ZAN: variants seen among roughly 807,000 people sequenced by gnomAD.
The protein encoded by ZAN is zonadhesin.
Under a neutral mutation model 286.2 loss-of-function variants are expected in ZAN, and 260 were observed. The ratio of observed to expected loss-of-function variants is 0.91; its 90% confidence interval spans 0.82 to 1.01. The LOEUF is 1.01. Among genes scored for constraint, ZAN ranks in the 50% least tolerant of loss-of-function variants. ZAN has a pLI of 0.00. For synonymous variants in ZAN, 1,368 were observed against 1,417.5 expected (o/e 0.97, Z 0.79); for missense variants, 3,410 against 3,639.2 (o/e 0.94, Z 1.62).
chr7:100,773,470 G>A lies in ZAN; in HGVS notation c.5611G>A (p.Asp1871Asn), dbSNP rs1015288684. The stretch of plus-strand genomic sequence containing the variant: ...GCCCCTTGGCCAGTGTGGCTGCACT[G>A]ACCCAGCGGGCTCCTACCACCCGGT... ...CVPLGQCGCT[D>N]PAGSYHPVGE... The change falls in exon 30 of 48, where the codon GAC (aspartate) becomes AAC (asparagine). Residue 1871 changes from aspartate (D) to asparagine (N), a missense_variant. By Grantham distance (23) the Asp-to-Asn change is conservative. This residue lies in a region of ZAN where 1,289 missense variants were observed against 1,314.3 expected (regional missense o/e 0.98). Coordinates refer to ENST00000613979, the MANE Select transcript of ZAN (RefSeq NM_003386.3). 6.2e-7 allele frequency: 1 copy of A among 1,613,750 alleles called. No homozygotes were observed. The highest frequency in any genetic ancestry group is 8.5e-7 in the Non-Finnish European group (1 of 1,179,864).
intron 35 of ZAN, among the ~76,000 whole-genome samples, chr7:100,781,638 T>C (rs1159312065): frequency 6.6e-6 from 1 of 151,390 alleles, no homozygotes; most frequent in Non-Finnish European, 1.5e-5. Flanking sequence ...GAGTTTTTAT[T>C]TGACATTGCT....
chr7:100,793,047 A>G (rs1812107148), intron 42 of ZAN, among the ~76,000 whole-genome samples: 1 of 151,256 alleles, frequency 6.6e-6, no homozygotes, highest in Non-Finnish European at 1.5e-5. Context: ...AAAAAAGAAA[A>G]GACTAGACAG....
intron 27 of ZAN, 113 bp downstream of exon 27, chr7:100,768,834 C>T: frequency 6.0e-6 from 5 of 829,688 alleles, no homozygotes; most frequent in Non-Finnish European, 9.1e-6. Flanking sequence ...CTGTACCTCC[C>T]AACTGGCAGG....
intron 28 of ZAN, among the ~76,000 whole-genome samples, chr7:100,770,679 A>G (rs1810313449): frequency 6.6e-6 from 1 of 150,932 alleles, no homozygotes; most frequent in Admixed American, 6.6e-5. Flanking sequence ...TTTAGAGACA[A>G]GGTCTCACTC....
At chr7:100,768,536 A>G in intron 26 of ZAN, 74 bp from the exon 27 acceptor site, 2 of 1,248,626 alleles carry the variant, frequency 1.6e-6, no homozygotes, top group Non-Finnish European at 2.2e-6. Flanking sequence ...TGAGGGTGCC[A>G]GGAGGATGGT....
chr7:100,759,249 T>A (rs1336742940), intron 17 of ZAN, among the ~76,000 whole-genome samples: 112 of 137,466 alleles, frequency 8.1e-4, no homozygotes, highest in African/African-American at 2.6e-3. Context: ...AAAAAAAAAA[T>A]TAAAAAATCA....
At chr7:100,781,795 A>G (rs1811213102) in intron 35 of ZAN, among the ~76,000 whole-genome samples, 1 of 151,332 alleles carries the variant, frequency 6.6e-6, no homozygotes, top group Non-Finnish European at 1.5e-5. Flanking sequence ...ATGTGCCACC[A>G]CACCCAGCTA....
intron 9 of ZAN, 40 bp downstream of exon 9, chr7:100,747,681 G>GCACAC: frequency 6.4e-7 from 1 of 1,566,674 alleles, no homozygotes; most frequent in Non-Finnish European, 8.8e-7. Flanking sequence ...CACATGGTAG[G>GCACAC]CACACCCAAT....
chr7:100,767,407 CCCT>C (rs1458400559), intron 25 of ZAN, 150 bp downstream of exon 25: 1 of 1,147,922 alleles, frequency 8.7e-7, no homozygotes, highest in African/African-American at 1.6e-5. Context: ...TCTCTGGACT[CCCT>C]CCTCCCTCTG....
At chr7:100,794,616 T>C (rs1812228799) in intron 44 of ZAN, among the ~76,000 whole-genome samples, 1 of 151,878 alleles carries the variant, frequency 6.6e-6, no homozygotes, top group African/African-American at 2.4e-5. Context: ...GCGAATTGCT[T>C]TGAGCTCAGG....
In ZAN at chr7:100,767,036, GACCCCCACT is replaced by G; in HGVS notation, c.4643_4651del (p.Pro1548_Tyr1550del). The G allele has an allele frequency of 1.2e-6, 2 of 1,613,866 alleles. No individual in the cohort carries two copies. Among genetic ancestry groups the G allele is most frequent in the Non-Finnish European group, 1.7e-6 (2 of 1,179,852 alleles). On this transcript the variant is annotated inframe_deletion, in exon 25 of 48. Coordinates refer to ENST00000613979, the MANE Select transcript of ZAN (RefSeq NM_003386.3). ...TGCCGCCACCTGCACAGCCTCGGGTGACCCCCACTACCTGACCTTCGATGGCGCCTTGCA... is the reference window on the plus strand; with the variant it reads ...TGCCGCCACCTGCACAGCCTCGGGTGACCTGACCTTCGATGGCGCCTTGCA...
intron 44 of ZAN, among the ~76,000 whole-genome samples, 185 bp from the exon 45 acceptor site, chr7:100,795,011 A>C (rs1378479933): frequency 2.6e-5 from 4 of 152,106 alleles, no homozygotes; most frequent in Non-Finnish European, 5.9e-5. Flanking sequence ...AGAGTTTCAA[A>C]GGAAGGAAGT....
At position 100,784,733 on chromosome 7, in the gene ZAN, G is replaced by A. The variant is rs759199367; in HGVS notation, c.6733G>A (p.Ala2245Thr). 6.2e-6 allele frequency: 10 copies of A among 1,613,792 alleles called. No individual in the cohort carries two copies. The highest frequency in any genetic ancestry group is 2.7e-5 in the African/African-American group (2 of 74,920). Residue 2245 changes from alanine to threonine, a missense_variant, in exon 36 of 48, where the codon GCT becomes ACT. Ala to Thr is a moderately conservative substitution (Grantham distance 58). Coordinates refer to ENST00000613979, the MANE Select transcript of ZAN (RefSeq NM_003386.3). ...CEGAKVPSAC[A>T]EGCICQPGYV... ...GGGCGCCAAAGTCCCCTCTGCCTGC[G>A]CTGAGGGCTGCATTTGTCAGCCCGG...
chr7:100,781,504 A>T (rs1445354414), intron 35 of ZAN, among the ~76,000 whole-genome samples: 1 of 152,106 alleles, frequency 6.6e-6, no homozygotes, highest in East Asian at 1.9e-4. Flanking sequence ...TCAGGGTGAA[A>T]GCAGCACACA....
rs758896280 is a variant in ZAN, at chr7:100,737,049, C to T, written c.494C>T (p.Thr165Ile). 4.0e-6 allele frequency: 6 copies of T among 1,499,190 alleles called. 1 individual carries two copies. Among genetic ancestry groups the T allele is most frequent in the East Asian group, 2.3e-5 (1 of 42,842 alleles). The allele number at this position is 1,499,190 out of a possible 1,614,324, so 92.9% of individuals were successfully genotyped here. The change falls in exon 5 of 48, where the codon ACT (threonine) becomes ATT (isoleucine). Residue 165 changes from threonine to isoleucine, a missense_variant. By Grantham distance (89) the Thr-to-Ile change is moderately conservative. Around this residue, in one of 7 missense-constraint regions of ZAN, gnomAD observed 872 missense variants for 938.9 expected, o/e 0.93. Transcript: ENST00000613979. ...CCCTCCTGGATGCTCACCACCGTCA[C>T]TGTGCCCGCAGGGTTCACCCTGCCC... ...QRPSWMLTTV[T>I]VPAGFTLPTR...
At chr7:100,764,989 A>T (rs967715708) in intron 22 of ZAN, among the ~76,000 whole-genome samples, 5 of 152,058 alleles carry the variant, frequency 3.3e-5, no homozygotes, top group African/African-American at 1.2e-4. Context: ...GGTGTGGCCC[A>T]GCTCTTTGGG....
Position 100,772,001 on chromosome 7 carries a change from G to A in ZAN, c.5406G>A (p.Trp1802Ter). 1.2e-6 allele frequency: 2 copies of A among 1,604,054 alleles called. No homozygotes were observed. The highest frequency in any genetic ancestry group is 1.7e-6 in the Non-Finnish European group (2 of 1,177,904). The part of the protein sequence containing the change: ...LCAQAGQAPA[W>*]RNRTFCPMRC... The stretch of plus-strand genomic sequence containing the variant: ...CCCAGGCTGGCCAGGCCCCTGCCTG[G>A]CGGAACAGAACCTTCTGCCGTGAGT... The change falls in exon 29 of 48, where the codon TGG becomes TGA. Residue 1802 changes from tryptophan to a stop codon, truncating the protein, a stop_gained. Transcript: ENST00000613979. LOFTEE classifies it high-confidence loss of function.
chr7:100,742,718 T>G (rs1250375887), intron 7 of ZAN, among the ~76,000 whole-genome samples: 5 of 65,220 alleles, frequency 7.7e-5, no homozygotes, highest in African/African-American at 3.0e-4. Context: ...CAGTCAGGCG[T>G]GGCGGCGCGT....
Position 100,769,983 on chromosome 7 carries a change from T to C in ZAN, c.5248+9T>C, listed in dbSNP as rs1199127087. ...CTTAATAAACCCTCAGGGTAAGACA[T>C]GTCCCTGCTGGCCCTTTTTCCTCCC... is the stretch of plus-strand genomic sequence containing the variant. On this transcript the variant is annotated intron_variant, in intron 28 of 47. Coordinates refer to ENST00000613979, the MANE Select transcript of ZAN (RefSeq NM_003386.3). 6 of 1,556,600 alleles carry C rather than the reference T, an allele frequency of 3.9e-6. No homozygotes were observed. Among genetic ancestry groups the C allele is most frequent in the Non-Finnish European group, 4.4e-6 (5 of 1,149,400 alleles).
Sources: allele counts gnomAD v4.1 joint callset (sites outside exome capture counted in the v4.1 genomes callset), GRCh38; gene constraint gnomAD v4.1.1; regional missense constraint gnomAD v4.1.1; transcripts MANE v1.5; gene names NCBI Gene and HGNC (gene_info 2026-07-23, HGNC 2026-07-21).